SMYD3: variants seen among roughly 807,000 people sequenced by gnomAD.
The protein encoded by SMYD3 is SET and MYND domain containing 3.
SMYD3 carries 36 observed loss-of-function variants against 57.7 expected under a neutral mutation model. That is an observed-to-expected ratio of 0.62 (90% CI 0.48 to 0.82). The LOEUF is 0.82. Ranked by LOEUF, SMYD3 falls within the 40% of genes least tolerant of loss-of-function variation. The pLI, the probability that SMYD3 is intolerant of heterozygous loss-of-function variation, is 0.00. For synonymous variants in SMYD3, 211 were observed against 195.0 expected (o/e 1.08, Z -0.68); for missense variants, 515 against 538.8 (o/e 0.96, Z 0.44).
chr1:245,829,070 G>A (rs1401488198), intron 10 of SMYD3, among the ~76,000 whole-genome samples: 4 of 78,950 alleles, frequency 5.1e-5, no homozygotes, highest in Non-Finnish European at 1.2e-4. Flanking sequence ...TCTTAGCCTG[G>A]CTTTTTTTTT....
chr1:246,362,445 CCCTCTCCCTCTCCCTCTCCACGGTCT>C (rs1485273206), intron 1 of SMYD3, among the ~76,000 whole-genome samples: 1 of 2,338 alleles, frequency 4.3e-4, no homozygotes, highest in Admixed American at 0.012. Context: ...CCCACGGTCT[CCCTCTCCCTCTCCCTCTCCACGGTCT>C]CCCTCTCCCT....
intron 1 of SMYD3, among the ~76,000 whole-genome samples, chr1:246,447,014 G>A (rs1175853641): frequency 7.3e-6 from 1 of 137,748 alleles, no homozygotes; most frequent in East Asian, 2.0e-4. Flanking sequence ...CGGTGACAGA[G>A]CCAGACTCCG....
chr1:246,334,745 G>A (rs995840592), intron 3 of SMYD3, among the ~76,000 whole-genome samples: 4 of 152,144 alleles, frequency 2.6e-5, no homozygotes, highest in Non-Finnish European at 5.9e-5. Flanking sequence ...AAAACAGAGA[G>A]AAGTAGAGCC....
intron 3 of SMYD3, among the ~76,000 whole-genome samples, chr1:246,334,030 T>C (rs1167792745): frequency 1.3e-5 from 2 of 151,638 alleles, no homozygotes; most frequent in East Asian, 1.9e-4. Context: ...TGAGACACCA[T>C]CTCATAACAG....
At chr1:245,821,341 A>G (rs553134999) in intron 10 of SMYD3, among the ~76,000 whole-genome samples, 1 of 149,786 alleles carries the variant, frequency 6.7e-6, no homozygotes, top group African/African-American at 2.4e-5. Flanking sequence ...CTGGCTAGCC[A>G]TATGTAGAAA....
chr1:246,244,033 A>ATT (rs2063663669), intron 5 of SMYD3, among the ~76,000 whole-genome samples: 2 of 122,994 alleles, frequency 1.6e-5, no homozygotes, highest in Non-Finnish European at 3.4e-5. Context: ...GTATATATAT[A>ATT]TTTTAACATG....
intron 5 of SMYD3, among the ~76,000 whole-genome samples, chr1:246,149,971 T>A (rs1229554868): frequency 1.3e-5 from 2 of 152,236 alleles, no homozygotes; most frequent in Non-Finnish European, 2.9e-5. Flanking sequence ...ACCATTAACT[T>A]CTATATGTAC....
intron 5 of SMYD3, among the ~76,000 whole-genome samples, chr1:246,165,839 C>T (rs780307388): frequency 6.6e-6 from 1 of 152,044 alleles, no homozygotes; most frequent in South Asian, 2.1e-4. Flanking sequence ...AAGAAAAATT[C>T]ACACATTTTT....
chr1:246,432,616 G>A (rs1319912027), intron 1 of SMYD3, among the ~76,000 whole-genome samples: 2 of 152,190 alleles, frequency 1.3e-5, no homozygotes, highest in African/African-American at 4.8e-5. Flanking sequence ...AAATATACTG[G>A]AAGACTTCTC....
At chr1:245,827,410 C>T (rs2049564710) in intron 10 of SMYD3, among the ~76,000 whole-genome samples, 1 of 152,188 alleles carries the variant, frequency 6.6e-6, no homozygotes, top group Admixed American at 6.5e-5. Flanking sequence ...CTCACGATGC[C>T]TGGCCCAGGG....
At chr1:246,255,325 AATAATT>A (rs2063864834) in intron 5 of SMYD3, among the ~76,000 whole-genome samples, 1 of 150,054 alleles carries the variant, frequency 6.7e-6, no homozygotes, top group Non-Finnish European at 1.5e-5. Flanking sequence ...TTATTATAAT[AATAATT>A]ATTATTATTA....
At chr1:245,815,324 C>G (rs183994877) in intron 10 of SMYD3, among the ~76,000 whole-genome samples, 46 of 152,346 alleles carry the variant, frequency 3.0e-4, no homozygotes, top group Non-Finnish European at 5.4e-4. Context: ...GTCCTTGCCT[C>G]TCATTCAGGG....
At chr1:246,181,389 T>C (rs1033063704) in intron 5 of SMYD3, among the ~76,000 whole-genome samples, 3 of 152,190 alleles carry the variant, frequency 2.0e-5, no homozygotes, top group Non-Finnish European at 2.9e-5. Flanking sequence ...CTTACAAAAC[T>C]AATGCAAAGC....
At chr1:246,296,520 T>C (rs1425017670) in intron 5 of SMYD3, among the ~76,000 whole-genome samples, 1 of 152,118 alleles carries the variant, frequency 6.6e-6, no homozygotes, top group Non-Finnish European at 1.5e-5. Context: ...TAAATAACAT[T>C]ATATACTTTT....
At chr1:246,084,206 T>TTTTC (rs1393326962) in intron 5 of SMYD3, among the ~76,000 whole-genome samples, 40 of 151,352 alleles carry the variant, frequency 2.6e-4, no homozygotes, top group African/African-American at 8.7e-4. Flanking sequence ...TTTTTTTTTT[T>TTTTC]TTTTTTCTTT....
At chr1:246,284,157 G>A (rs1004741335) in intron 5 of SMYD3, among the ~76,000 whole-genome samples, 1 of 152,166 alleles carries the variant, frequency 6.6e-6, no homozygotes, top group Non-Finnish European at 1.5e-5. Flanking sequence ...CAGGCTGTCA[G>A]ATGCTGCATA....
At chr1:246,107,818 T>A (rs748328534) in intron 5 of SMYD3, among the ~76,000 whole-genome samples, 1 of 151,960 alleles carries the variant, frequency 6.6e-6, no homozygotes, top group East Asian at 1.9e-4. Flanking sequence ...AACACAGGAG[T>A]AATTTTTAAA....
intron 5 of SMYD3, among the ~76,000 whole-genome samples, chr1:246,218,871 T>C (rs113485925): frequency 0.012 from 1,757 of 152,256 alleles, 38 homozygotes; most frequent in African/African-American, 0.04. Flanking sequence ...AGGAATATCA[T>C]AGCAAGACAA....
At chr1:246,074,797 A>G (rs2060518651) in intron 5 of SMYD3, among the ~76,000 whole-genome samples, 1 of 152,164 alleles carries the variant, frequency 6.6e-6, no homozygotes, top group East Asian at 1.9e-4. Context: ...CATTGAGGAG[A>G]GGCCCAGCAG....
Sources: gnomAD v4.1 joint callset for allele counts (sites outside exome capture counted in the v4.1 genomes callset) on GRCh38, gnomAD v4.1.1 for gene constraint, MANE v1.5 for transcripts, NCBI Gene and HGNC (gene_info 2026-07-23, HGNC 2026-07-21) for gene names.